The following NBDY variants were observed in gnomAD, a reference collection of about 807,000 sequenced individuals.
NBDY encodes the protein P-body dissociating protein.
chrX:56,746,826 C>T (rs1029288466), intron 2 of NBDY, among the ~76,000 whole-genome samples: 1 of 111,664 alleles, frequency 9.0e-6, no homozygotes, highest in Non-Finnish European at 1.9e-5. Flanking sequence ...CAAATTGAGT[C>T]CCTCTCATAC....
chrX:56,793,991 A>C (rs1006301869), intron 2 of NBDY, among the ~76,000 whole-genome samples: 3 of 112,273 alleles, frequency 2.7e-5, no homozygotes, highest in African/African-American at 9.7e-5. Flanking sequence ...CAGGGTAAAC[A>C]GCCCCATTCT....
At chrX:56,808,127 GAA>G (rs2069863670) in intron 2 of NBDY, among the ~76,000 whole-genome samples, 1 of 112,136 alleles carries the variant, frequency 8.9e-6, no homozygotes. Flanking sequence ...TTATTGATTT[GAA>G]TATGTTGAAC....
chrX:56,764,823 GC>G (rs1301592137), intron 2 of NBDY, among the ~76,000 whole-genome samples: 2 of 111,581 alleles, frequency 1.8e-5, no homozygotes, highest in Non-Finnish European at 3.8e-5. Flanking sequence ...AGGGGTGGGG[GC>G]CACAGGGAGC....
chrX:56,784,817 G>A (rs188586784), intron 2 of NBDY, among the ~76,000 whole-genome samples: 5 of 111,983 alleles, frequency 4.5e-5, no homozygotes, highest in East Asian at 2.8e-4. Flanking sequence ...CCAGGCAGAC[G>A]TAAGAAATCC....
intron 2 of NBDY, among the ~76,000 whole-genome samples, chrX:56,759,435 G>A (rs2146722008): frequency 8.9e-6 from 1 of 112,157 alleles, no homozygotes; most frequent in African/African-American, 3.2e-5. Context: ...TTGGTCATTG[G>A]GACCCCTGAG....
At position 56,729,443 on chromosome X, in the gene NBDY, C is replaced by T; in HGVS notation, c.90C>T (p.Leu30=). 3.4e-6 allele frequency: 1 copy of T among 297,884 alleles called. No homozygotes were observed. The highest frequency in any genetic ancestry group is 5.9e-6 in the Non-Finnish European group (1 of 170,336). The allele number at this position is 297,884 out of a possible 1,213,427, so 24.5% of individuals were successfully genotyped here. Residue 30 remains leucine (L), a synonymous_variant, in exon 1 of 3, where the codon CTC becomes CTT. Transcript: ENST00000374922. ...AGCCTCCAAAAAAGCGCTGCCTCCTCGCTCCGCGTTGGGATTATCCGGAAG... is the reference window on the plus strand; with the variant it reads ...AGCCTCCAAAAAAGCGCTGCCTCCTTGCTCCGCGTTGGGATTATCCGGAAG... The part of the protein sequence containing the change: ...EAKPPKKRCL[L]APRWDYPEGT...
chrX:56,790,297 T>A (rs764883181), intron 2 of NBDY, among the ~76,000 whole-genome samples: 46 of 112,658 alleles, frequency 4.1e-4, no homozygotes, highest in African/African-American at 1.4e-3. Context: ...TTCCTGGATG[T>A]GTAGACCACA....
At chrX:56,790,632 A>G (rs1211488676) in intron 2 of NBDY, among the ~76,000 whole-genome samples, 1 of 111,931 alleles carries the variant, frequency 8.9e-6, no homozygotes, top group Non-Finnish European at 1.9e-5. Flanking sequence ...TGACATGGCA[A>G]CTCTGAGTTT....
At chrX:56,802,673 C>T (rs112282932) in intron 2 of NBDY, among the ~76,000 whole-genome samples, 3,201 of 113,268 alleles carry the variant, frequency 0.028, 125 homozygotes, top group African/African-American at 0.098. Context: ...TGACCAGCAC[C>T]TTGTCCTGGG....
Position 56,818,718 on chromosome X carries a change from C to T in NBDY, c.*1565C>T, listed in dbSNP as rs1350487668. ...AAGTTCATATGAAAATGTAATGGAC[C>T]CAGAATAGCCAAAACAATCTTGAAG... On this transcript the variant is annotated 3_prime_UTR_variant, in exon 3 of 3. Transcript: ENST00000374922. 9.0e-6 allele frequency: 1 copy of T among 111,147 alleles called. No homozygotes were observed. The highest frequency in any genetic ancestry group is 9.6e-5 in the Admixed American group (1 of 10,429). 9.2% of individuals were successfully genotyped at this position (111,147 alleles called of 1,213,427 possible).
intron 2 of NBDY, among the ~76,000 whole-genome samples, chrX:56,739,236 G>GTATATATATA (rs67727538): frequency 0.093 from 5,321 of 57,429 alleles, 318 homozygotes; most frequent in East Asian, 0.13. Flanking sequence ...GTGTTTGTGT[G>GTATATATATA]TGTATATATA....
At chrX:56,780,646 G>T (rs2069679899) in intron 2 of NBDY, among the ~76,000 whole-genome samples, 1 of 55,664 alleles carries the variant, frequency 1.8e-5, no homozygotes, top group South Asian at 1.2e-3. Context: ...CCACGCTGGG[G>T]GTGTGTGAAC....
At chrX:56,780,634 T>TC (rs2069679814) in intron 2 of NBDY, among the ~76,000 whole-genome samples, 1 of 54,233 alleles carries the variant, frequency 1.8e-5, no homozygotes, top group Non-Finnish European at 3.5e-5. Flanking sequence ...GGGTGATGAT[T>TC]CCCACGCTGG....
At chrX:56,759,925 G>A (rs750278965) in intron 2 of NBDY, among the ~76,000 whole-genome samples, 3 of 112,147 alleles carry the variant, frequency 2.7e-5, no homozygotes, top group Non-Finnish European at 5.6e-5. Flanking sequence ...CTTGGCCCCA[G>A]CTTGGACCCA....
intron 2 of NBDY, among the ~76,000 whole-genome samples, chrX:56,765,702 T>C (rs966999402): frequency 9.1e-5 from 10 of 110,242 alleles, no homozygotes; most frequent in African/African-American, 3.0e-4. Flanking sequence ...TTCTCCTCCT[T>C]CTCCTCTTGC....
intron 2 of NBDY, among the ~76,000 whole-genome samples, chrX:56,802,081 T>C (rs1473392037): frequency 1.8e-5 from 2 of 111,195 alleles, no homozygotes; most frequent in Admixed American, 9.5e-5. Flanking sequence ...CACACACATG[T>C]GTCGCCATAG....
chrX:56,765,690 CCTT>C (rs1464809033), intron 2 of NBDY, among the ~76,000 whole-genome samples: 2 of 110,434 alleles, frequency 1.8e-5, no homozygotes, highest in Admixed American at 9.6e-5. Context: ...TAATTCTTCT[CCTT>C]CTCCTCCTTC....
intron 2 of NBDY, among the ~76,000 whole-genome samples, chrX:56,805,957 C>T (rs952706681): frequency 4.1e-4 from 45 of 111,085 alleles, no homozygotes; most frequent in African/African-American, 1.4e-3. Flanking sequence ...TCTCTTAATG[C>T]TATCCCTCCC....
rs1425473228 is a variant in NBDY at position 56,818,027 on chromosome X, G to A, written c.*874G>A. The A allele has an allele frequency of 5.4e-5, 6 of 111,318 alleles. No homozygotes were observed. The highest frequency in any genetic ancestry group is 1.1e-4 in the Non-Finnish European group (6 of 53,017). The allele number at this position is 111,318 out of a possible 1,213,427, so 9.2% of individuals were successfully genotyped here. On this transcript the variant is annotated 3_prime_UTR_variant, in exon 3 of 3. Coordinates refer to ENST00000374922, the MANE Select transcript of NBDY (RefSeq NM_001348129.2). ...ATACAAGTAAAATGGGAAAACATTAGATAGCAGCTTTCAATATTTCATATA... is the reference window on the plus strand; with the variant it reads ...ATACAAGTAAAATGGGAAAACATTAAATAGCAGCTTTCAATATTTCATATA...
Sources: allele counts gnomAD v4.1 joint callset (sites outside exome capture counted in the v4.1 genomes callset), GRCh38; gene constraint gnomAD v4.1.1; transcripts MANE v1.5; gene names NCBI Gene and HGNC (gene_info 2026-07-23, HGNC 2026-07-21).